Variants in PDE1C observed in about 807,000 individuals in gnomAD.
PDE1C encodes dual specificity calcium/calmodulin-dependent 3',5'-cyclic nucleotide phosphodiesterase 1C.
In PDE1C, 62 loss-of-function variants were observed where a neutral mutation model predicts 93.1. That is an observed-to-expected ratio of 0.67 (90% CI 0.54 to 0.82). The LOEUF (loss-of-function observed/expected upper bound fraction) is 0.82. Among genes scored for constraint, PDE1C ranks in the 40% least tolerant of loss-of-function variants. The probability of loss-of-function intolerance (pLI) is 0.00; values close to 1 mark genes in which losing one functional copy is unlikely to be tolerated. For missense variants in PDE1C, 742 were observed against 884.6 expected (o/e 0.84, Z 2.04); for synonymous variants, 325 against 310.1 (o/e 1.05, Z -0.50).
intron 2 of PDE1C, among the ~76,000 whole-genome samples, chr7:32,000,345 T>C (rs534607992): frequency 1.3e-5 from 2 of 152,312 alleles, no homozygotes; most frequent in Non-Finnish European, 1.5e-5. Context: ...AGTAGGCTCC[T>C]ATCACTGCTA....
intron 1 of PDE1C, among the ~76,000 whole-genome samples, chr7:32,424,275 C>G (rs145408984): frequency 6.6e-6 from 1 of 152,314 alleles, no homozygotes; most frequent in East Asian, 1.9e-4. Flanking sequence ...CCCATAGGCT[C>G]AAAGCAGTTA....
chr7:32,115,885 A>G (rs930640504), intron 3 of PDE1C, among the ~76,000 whole-genome samples: 4 of 152,158 alleles, frequency 2.6e-5, no homozygotes, highest in African/African-American at 9.7e-5. Context: ...CCCCAGTGAG[A>G]CTTTGCCCAG....
At chr7:32,217,070 T>C (rs1388145848) in intron 1 of PDE1C, among the ~76,000 whole-genome samples, 1 of 152,152 alleles carries the variant, frequency 6.6e-6, no homozygotes, top group African/African-American at 2.4e-5. Flanking sequence ...TAGGATCCAG[T>C]AGAGGGAGAA....
At chr7:31,857,442 T>C (rs1488651502) in intron 7 of PDE1C, among the ~76,000 whole-genome samples, 2 of 152,180 alleles carry the variant, frequency 1.3e-5, no homozygotes, top group Non-Finnish European at 2.9e-5. Flanking sequence ...TCTTTAAAAG[T>C]GGGCAGATTT....
Position 32,378,680 on chromosome 7 carries a change from C to G in PDE1C, c.310+49142G>C, listed in dbSNP as rs1214432677. On this transcript the variant is annotated intron_variant, in intron 1 of 1. Coordinates refer to the PDE1C transcript ENST00000672256. ...CACCCATCACTCCAACTGGACCCAC[C>G]AACTAGACCCACCCCATCCAGAAGT... Among the ~76,000 whole-genome samples, 3 of 152,272 alleles carry G rather than the reference C, an allele frequency of 2.0e-5. No individual in the cohort carries two copies. In the East Asian group the frequency reaches 5.8e-4, roughly 29 times the overall value.
At chr7:32,268,156 C>T (rs988262577) in intron 1 of PDE1C, among the ~76,000 whole-genome samples, 1 of 152,184 alleles carries the variant, frequency 6.6e-6, no homozygotes, top group African/African-American at 2.4e-5. Context: ...AGCCTAAGTC[C>T]TGATGTCAGG....
At chr7:32,089,868 T>C (rs1463767775) in intron 3 of PDE1C, among the ~76,000 whole-genome samples, 1 of 152,190 alleles carries the variant, frequency 6.6e-6, no homozygotes, top group Non-Finnish European at 1.5e-5. Flanking sequence ...CATTTTCTTG[T>C]TTTTGCCTCA....
chr7:31,669,099 A>T, the PDE1C span, among the ~76,000 whole-genome samples: 3 of 152,164 alleles, frequency 2.0e-5, no homozygotes, highest in Non-Finnish European at 2.9e-5. Context: ...AGTTTGTAAG[A>T]TAGTGACATG....
intron 2 of PDE1C, among the ~76,000 whole-genome samples, chr7:31,999,197 G>A (rs6973643): frequency 0.26 from 39,839 of 152,050 alleles, 5,492 homozygotes; most frequent in African/African-American, 0.32. Flanking sequence ...TCAGACACAG[G>A]CACAGCCCCT....
intron 3 of PDE1C, among the ~76,000 whole-genome samples, chr7:32,084,092 G>A (rs1431884737): frequency 6.6e-6 from 1 of 152,118 alleles, no homozygotes; most frequent in Non-Finnish European, 1.5e-5. Flanking sequence ...TCAGTGTGCT[G>A]TATTCAGGAA....
chr7:32,001,257 A>C (rs181431690), intron 2 of PDE1C, among the ~76,000 whole-genome samples: 2 of 152,318 alleles, frequency 1.3e-5, no homozygotes, highest in Admixed American at 6.5e-5. Context: ...GTATGCCTTA[A>C]GTTTTTACTA....
chr7:32,182,806 C>A (rs368933705), intron 2 of PDE1C, among the ~76,000 whole-genome samples: 1 of 152,126 alleles, frequency 6.6e-6, no homozygotes, highest in Non-Finnish European at 1.5e-5. Flanking sequence ...CCAGGGCAAT[C>A]AGGCAGGAGA....
chr7:32,126,315 T>G (rs556756191), intron 3 of PDE1C, among the ~76,000 whole-genome samples: 1 of 152,204 alleles, frequency 6.6e-6, no homozygotes, highest in African/African-American at 2.4e-5. Flanking sequence ...AATGGGAAAC[T>G]GAGACCAAGA....
chr7:31,624,233 G>A, the PDE1C span, among the ~76,000 whole-genome samples: 341 of 145,810 alleles, frequency 2.3e-3, 1 homozygote, highest in Non-Finnish European at 3.4e-3. Flanking sequence ...TCCCCATCAA[G>A]CTACCAATGA....
At chr7:32,407,025 A>C (rs1008392388) in intron 1 of PDE1C, among the ~76,000 whole-genome samples, 49 of 152,290 alleles carry the variant, frequency 3.2e-4, no homozygotes, top group African/African-American at 9.9e-4. Context: ...CCTGTAATCC[A>C]AGCACTTTGG....
intron 3 of PDE1C, among the ~76,000 whole-genome samples, chr7:31,880,358 C>A (rs1797090203): frequency 6.6e-6 from 1 of 152,162 alleles, no homozygotes; most frequent in South Asian, 2.1e-4. Flanking sequence ...CTTCAGGAGC[C>A]TCCATTTACT....
intron 3 of PDE1C, among the ~76,000 whole-genome samples, chr7:32,084,787 A>G (rs1023508234): frequency 6.2e-5 from 8 of 128,716 alleles, no homozygotes; most frequent in African/African-American, 2.2e-4. Context: ...AGAAATAAAG[A>G]TGTTCTTTGA....
intron 16 of PDE1C, among the ~76,000 whole-genome samples, chr7:31,803,384 G>GTTTCTTT (rs1786322216): frequency 6.7e-6 from 1 of 149,698 alleles, no homozygotes; most frequent in African/African-American, 2.5e-5. Flanking sequence ...GTTTCAATTG[G>GTTTCTTT]TTGGGCTTTT....
intron 2 of PDE1C, among the ~76,000 whole-genome samples, chr7:32,003,983 G>A (rs541566903): frequency 1.3e-5 from 2 of 152,142 alleles, no homozygotes; most frequent in African/African-American, 4.8e-5. Context: ...TGAGAAAGGG[G>A]CATCTGTGAA....
Sources: gnomAD v4.1 joint callset for allele counts (sites outside exome capture counted in the v4.1 genomes callset) on GRCh38, gnomAD v4.1.1 for gene constraint, MANE v1.5 for transcripts, NCBI Gene and HGNC (gene_info 2026-07-23, HGNC 2026-07-21) for gene names.